Variants in EGR2 observed in about 807,000 individuals in gnomAD.
EGR2 encodes the protein early growth response 2, also known as E3 SUMO-protein ligase EGR2.
A neutral mutation model predicts 21.2 loss-of-function variants in EGR2; 2 were observed. That is an observed-to-expected ratio of 0.09 (90% confidence interval 0.04 to 0.30). The LOEUF (loss-of-function observed/expected upper bound fraction) is 0.30, where lower values mean the gene tolerates loss of function less well. Ranked by LOEUF, EGR2 falls within the 10% of genes least tolerant of loss-of-function variation. EGR2 has a pLI of 1.00. For missense variants in EGR2, 458 were observed against 630.2 expected (o/e 0.73, Z 2.93); for synonymous variants, 282 against 258.2 (o/e 1.09, Z -0.88).
At position 62,813,156 on chromosome 10, in the gene EGR2, CAAA is replaced by C. The variant is rs1363879316; in HGVS notation, c.*48_*50del. 1 of 1,512,988 alleles carries C rather than the reference CAAA, an allele frequency of 6.6e-7. No homozygotes were observed. The highest frequency in any genetic ancestry group is 8.8e-7 in the Non-Finnish European group (1 of 1,138,120). The allele number at this position is 1,512,988 out of a possible 1,614,324, so 93.7% of individuals were successfully genotyped here. On this transcript the variant is annotated 3_prime_UTR_variant, in exon 2 of 2. Transcript: ENST00000242480. This position sits in a 1 kb window ranked among gnomAD's most constrained non-coding sequence, Gnocchi z 5.7. ...GTGTTTGTTGTGCAGCTCCAGTGGA[CAAA>C]GGGCCTCCGGGACCTTTGGGAGCTG...
chr10:62,813,390 G>A lies in EGR2; in HGVS notation c.1248C>T (p.His416=), dbSNP rs1589080344. 6.2e-7 allele frequency: 1 copy of A among 1,612,374 alleles called. No individual in the cohort carries two copies. The highest frequency in any genetic ancestry group is 8.5e-7 in the Non-Finnish European group (1 of 1,178,552). ...KFARSDERKR[H]TKIHLRQKER... ...CTTTCTGTCTCAGGTGGATCTTGGT[G>A]TGGCGCTTCCTCTCATCACTCCGGG... Residue 416 remains histidine (H), a synonymous_variant, in exon 2 of 2, where the codon CAC becomes CAT. Coordinates refer to ENST00000242480, the MANE Select transcript of EGR2 (RefSeq NM_000399.5). This position sits in a 1 kb window ranked among gnomAD's most constrained non-coding sequence, Gnocchi z 5.7.
In EGR2 at chr10:62,813,066, G is replaced by C; in HGVS notation, c.*141C>G. ...AGAACCTGCTTCTAGGTGGAAAGGGGGCAGTGCTAGCTCCACCAAAGCCCT... is the reference window on the plus strand; with the variant it reads ...AGAACCTGCTTCTAGGTGGAAAGGGCGCAGTGCTAGCTCCACCAAAGCCCT... On this transcript the variant is annotated 3_prime_UTR_variant, in exon 2 of 2. Coordinates refer to ENST00000242480, the MANE Select transcript of EGR2 (RefSeq NM_000399.5). This position sits in a 1 kb window ranked among gnomAD's most constrained non-coding sequence, Gnocchi z 5.7. 1.1e-6 allele frequency: 1 copy of C among 905,064 alleles called. No homozygotes were observed. The highest frequency in any genetic ancestry group is 2.0e-5 in the South Asian group (1 of 51,132). The allele number at this position is 905,064 out of a possible 1,614,324, so 56.1% of individuals were successfully genotyped here.
At position 62,814,831 on chromosome 10, in the gene EGR2, T is replaced by C. The variant is rs1842219220; in HGVS notation, c.170-363A>G. On this transcript the variant is annotated intron_variant, in intron 1 of 1. Coordinates refer to ENST00000242480, the MANE Select transcript of EGR2 (RefSeq NM_000399.5). The surrounding 1 kb of genome is among the most constrained non-coding windows in gnomAD (Gnocchi z 4.8). ...GCCCGGAGCTTTTCTCCCTCTTTTT[T>C]GCCTGGGGGTTCCACGGCTGAGGCA... Among the ~76,000 whole-genome samples the C allele has an allele frequency of 6.6e-6, 1 of 152,216 alleles. No individual in the cohort carries two copies. The highest frequency in any genetic ancestry group is 1.5e-5 in the Non-Finnish European group (1 of 68,032).
At position 62,816,081 on chromosome 10, in the gene EGR2, G is replaced by A; in HGVS notation, c.-52C>T. 1.2e-6 allele frequency: 2 copies of A among 1,613,762 alleles called. No homozygotes were observed. Among genetic ancestry groups the A allele is most frequent in the Non-Finnish European group, 1.7e-6 (2 of 1,179,952 alleles). On this transcript the variant is annotated 5_prime_UTR_variant, in exon 1 of 2. Coordinates refer to ENST00000242480, the MANE Select transcript of EGR2 (RefSeq NM_000399.5). ...AACTCCCTCGCTACCTGGAGTGTCA[G>A]AAAAGCCGTTTTGGAGAGGGGTTGG...
In EGR2 at chr10:62,814,721, C is replaced by T. The variant is rs1404751038; in HGVS notation, c.170-253G>A. ...AGCAGAATGAGCTTTTCCCAACTCC[C>T]CTCCACCCCCAGCCATCTGTGGCTC... On this transcript the variant is annotated intron_variant, in intron 1 of 1. Transcript: ENST00000242480. The surrounding 1 kb of genome is among the most constrained non-coding windows in gnomAD (Gnocchi z 4.8). Among the ~76,000 whole-genome samples the T allele has an allele frequency of 6.6e-6, 1 of 152,190 alleles. No homozygotes were observed. Among genetic ancestry groups the T allele is most frequent in the Non-Finnish European group, 1.5e-5 (1 of 68,040 alleles).
chr10:62,818,589 C>G (rs1402983327), upstream of EGR2: 6 of 1,278,604 alleles, frequency 4.7e-6, no homozygotes, highest in South Asian at 7.5e-5. Context: ...CCCGCGGCCC[C>G]CGCGCTGACC....
At chr10:62,817,263 G>A (rs1838273704), upstream of EGR2, among the ~76,000 whole-genome samples, 1 of 152,082 alleles carries the variant, frequency 6.6e-6, no homozygotes, top group African/African-American at 2.4e-5. The surrounding 1 kb of genome is among the most constrained non-coding windows in gnomAD (Gnocchi z 4.4). Context: ...CGTCCAGATG[G>A]AAGCTTGGAC....
chr10:62,817,623 CA>C (rs1167183465), upstream of EGR2, among the ~76,000 whole-genome samples: 15 of 152,142 alleles, frequency 9.9e-5, no homozygotes, highest in African/African-American at 3.6e-4. This position sits in a 1 kb window ranked among gnomAD's most constrained non-coding sequence, Gnocchi z 4.4. Flanking sequence ...TCTCCCTCCC[CA>C]AAAAACACCT....
chr10:62,817,048 G>GTTGT (rs755689931), upstream of EGR2, among the ~76,000 whole-genome samples: 1 of 152,198 alleles, frequency 6.6e-6, no homozygotes, highest in Non-Finnish European at 1.5e-5. The surrounding 1 kb of genome is among the most constrained non-coding windows in gnomAD (Gnocchi z 4.4). Context: ...ACAGGTTTGG[G>GTTGT]TTGTTTGTTT....
At chr10:62,817,962 G>C (rs1838293129), upstream of EGR2, among the ~76,000 whole-genome samples, 1 of 152,064 alleles carries the variant, frequency 6.6e-6, no homozygotes, top group South Asian at 2.1e-4. The surrounding 1 kb of genome is among the most constrained non-coding windows in gnomAD (Gnocchi z 4.4). Flanking sequence ...CGTTTGTGCA[G>C]GTTGCGAACT....
upstream of EGR2, among the ~76,000 whole-genome samples, chr10:62,816,774 T>G (rs1418146895): frequency 6.6e-6 from 1 of 152,170 alleles, no homozygotes; most frequent in African/African-American, 2.4e-5. Flanking sequence ...TCCCTAGCCC[T>G]TGTTTGGGAG....
upstream of EGR2, among the ~76,000 whole-genome samples, chr10:62,818,038 A>T (rs1274043148): frequency 1.3e-5 from 2 of 152,228 alleles, no homozygotes; most frequent in Non-Finnish European, 2.9e-5. Flanking sequence ...TCAGCCTCGC[A>T]GGCCTGTCCT....
chr10:62,815,957 T>C lies in EGR2; in HGVS notation c.73A>G (p.Ile25Val), dbSNP rs1178718119. The change falls in exon 1 of 2, where the codon ATC becomes GTC. Residue 25 changes from isoleucine to valine, a missense_variant. This residue lies in a region of EGR2 where 91 missense variants were observed against 105.2 expected (regional missense o/e 0.87). Transcript: ENST00000242480. ...GCGGCGAGGTCCTCCACCGGGTAGA[T>C]GTTGTCAGACAGCTGGTGCACAAAA... The part of the protein sequence containing the change: ...SGFVHQLSDN[I>V]YPVEDLAATS... 1 of 1,614,202 alleles carries C rather than the reference T, an allele frequency of 6.2e-7. No homozygotes were observed. Among genetic ancestry groups the C allele is most frequent in the Non-Finnish European group, 8.5e-7 (1 of 1,180,030 alleles).
rs565202571 is a variant in EGR2 at position 62,813,781 on chromosome 10, C to G, written c.857G>C (p.Ser286Thr). Residue 286 changes from serine to threonine, a missense_variant, in exon 2 of 2, where the codon AGT (serine) becomes ACT (threonine). By Grantham distance (58) the Ser-to-Thr change is moderately conservative. Coordinates refer to ENST00000242480, the MANE Select transcript of EGR2 (RefSeq NM_000399.5). This position sits in a 1 kb window ranked among gnomAD's most constrained non-coding sequence, Gnocchi z 5.7. ...PSAGVTGPGASGGSEGPRLPG... is the reference protein window; with the variant it reads ...PSAGVTGPGATGGSEGPRLPG... ...CAGCCGGGGTCCCTCGCTGCCTCCA[C>G]TGGCCCCTGGTCCGGTCACCCCAGC... The G allele has an allele frequency of 6.2e-7, 1 of 1,613,092 alleles. No individual in the cohort carries two copies. Among genetic ancestry groups the G allele is most frequent in the Non-Finnish European group, 8.5e-7 (1 of 1,179,506 alleles).
At position 62,814,424 on chromosome 10, in the gene EGR2, C is replaced by G; in HGVS notation, c.214G>C (p.Asp72His). ...IDMTGEKRSL[D>H]LPYPSSFAPV... ...GCAAAGCTGCTGGGATATGGGAGAT[C>G]CAACGACCTCTTCTCTCCAGTCATG... Residue 72 changes from aspartate to histidine, a missense_variant, in exon 2 of 2, where the codon GAT becomes CAT. By Grantham distance (81) the Asp-to-His change is moderately conservative (BLOSUM62 -1). Transcript: ENST00000242480. The surrounding 1 kb of genome is among the most constrained non-coding windows in gnomAD (Gnocchi z 4.8). 6.2e-7 allele frequency: 1 copy of G among 1,614,076 alleles called. No individual in the cohort carries two copies. Among genetic ancestry groups the G allele is most frequent in the Non-Finnish European group, 8.5e-7 (1 of 1,180,012 alleles).
upstream of EGR2, among the ~76,000 whole-genome samples, chr10:62,817,421 C>G (rs1838277928): frequency 6.6e-6 from 1 of 152,184 alleles, no homozygotes; most frequent in South Asian, 2.1e-4. The surrounding 1 kb of genome is among the most constrained non-coding windows in gnomAD (Gnocchi z 4.4). Context: ...CGCGCGCCGT[C>G]GTTGCCAGCA....
rs757078088 is a variant in EGR2, at chr10:62,815,875, T to C, written c.155A>G (p.Asn52Ser). Residue 52 changes from asparagine to serine, a missense_variant, in exon 1 of 2, where the codon AAC (asparagine) becomes AGC (serine). By Grantham distance (46) the Asn-to-Ser change is conservative (BLOSUM62 1). Transcript: ENST00000242480. ...AELGGPFDQM[N>S]GVAGDGMINI... is the part of the protein sequence containing the mutation. Reference sequence around the variant, plus strand: ...ACGCGGCTTACCTCCGGCCACTCCGTTCATCTGGTCAAAGGGGCCTCCCAG... The same window carrying C: ...ACGCGGCTTACCTCCGGCCACTCCGCTCATCTGGTCAAAGGGGCCTCCCAG... The C allele has an allele frequency of 1.2e-6, 2 of 1,613,912 alleles. No individual in the cohort carries two copies. The highest frequency in any genetic ancestry group is 1.3e-5 in the African/African-American group (1 of 74,936).
At chr10:62,817,707 C>G (rs1327711490), upstream of EGR2, among the ~76,000 whole-genome samples, 2 of 152,214 alleles carry the variant, frequency 1.3e-5, no homozygotes, top group African/African-American at 4.8e-5. This position sits in a 1 kb window ranked among gnomAD's most constrained non-coding sequence, Gnocchi z 4.4. Flanking sequence ...ATCCCCATCC[C>G]CCAACCCACT....
At chr10:62,818,926 C>A (rs1838319669), upstream of EGR2, among the ~76,000 whole-genome samples, 1 of 152,182 alleles carries the variant, frequency 6.6e-6, no homozygotes, top group South Asian at 2.1e-4. Context: ...AGTGCCCGGC[C>A]AGCAGGGCGC....
Sources: gnomAD v4.1 joint callset for allele counts (sites outside exome capture counted in the v4.1 genomes callset) on GRCh38, gnomAD v4.1.1 for gene constraint, gnomAD v4.1.1 regional missense constraint, Gnocchi (gnomAD v3.1) non-coding constraint, MANE v1.5 for transcripts, NCBI Gene and HGNC (gene_info 2026-07-23, HGNC 2026-07-21) for gene names.